Variants in COL6A3 observed in about 807,000 individuals in gnomAD.
COL6A3 encodes the protein collagen alpha-3(VI) chain.
COL6A3 carries 137 observed loss-of-function variants against 274.1 expected under a neutral mutation model. The ratio of observed to expected loss-of-function variants is 0.50; its 90% CI spans 0.44 to 0.58. COL6A3 has a LOEUF of 0.58. COL6A3 is among the 20% of genes least tolerant of loss of function. The pLI is 0.00. For missense variants in COL6A3, 3,950 were observed against 4,124.9 expected (o/e 0.96, Z 1.16); for synonymous variants, 1,650 against 1,650.6 (o/e 1.00, Z 0.01).
chr2:237,379,196 C>T lies in COL6A3; in HGVS notation c.1937G>A (p.Gly646Glu), dbSNP rs973261873. 11 of 1,614,026 alleles carry T rather than the reference C, an allele frequency of 6.8e-6. No homozygotes were observed. The highest frequency in any genetic ancestry group is 9.3e-6 in the Non-Finnish European group (11 of 1,180,016). ...ATTGGTTTTTCCAACGTTGGCTGAT[C>T]CATCCAAAAGAAAGATGATATCCCT... ...NKRDIIFLLDGSANVGKTNFP... is the reference protein window; with the variant it reads ...NKRDIIFLLDESANVGKTNFP... Residue 646 changes from glycine to glutamate, a missense_variant, in exon 6 of 44, where the codon GGA (glycine) becomes GAA (glutamate). Coordinates refer to ENST00000295550, the MANE Select transcript of COL6A3 (RefSeq NM_004369.4).
chr2:237,401,026 C>G (rs771871862), intron 1 of COL6A3, among the ~76,000 whole-genome samples: 2 of 152,072 alleles, frequency 1.3e-5, no homozygotes, highest in Non-Finnish European at 2.9e-5. Context: ...AAACATATTA[C>G]AAAATGGTGT....
chr2:237,384,602 C>G (rs1022158659), intron 4 of COL6A3, among the ~76,000 whole-genome samples: 1 of 152,152 alleles, frequency 6.6e-6, no homozygotes, highest in Non-Finnish European at 1.5e-5. Context: ...ATCAGGAGAC[C>G]TGTGCCTGCC....
chr2:237,389,102 A>C (rs2078225486), intron 3 of COL6A3, among the ~76,000 whole-genome samples: 1 of 152,210 alleles, frequency 6.6e-6, no homozygotes. Context: ...GCCTGGGGTT[A>C]TACAAAGGGC....
At chr2:237,342,804 C>A (rs2077017149) in intron 36 of COL6A3, 1 of 154,118 alleles carries the variant, frequency 6.5e-6, no homozygotes, top group Non-Finnish European at 1.4e-5. Context: ...GTGAATGAAT[C>A]CCCCCATCAA....
chr2:237,400,901 T>C (rs1045643604), intron 1 of COL6A3, among the ~76,000 whole-genome samples: 1 of 152,218 alleles, frequency 6.6e-6, no homozygotes, highest in Non-Finnish European at 1.5e-5. Context: ...GTGGAACTTA[T>C]TTCTAGAATG....
At chr2:237,360,817 T>A (rs771527555) in intron 16 of COL6A3, among the ~76,000 whole-genome samples, 8 of 152,108 alleles carry the variant, frequency 5.3e-5, no homozygotes, top group Non-Finnish European at 1.0e-4. Context: ...CATCTCTACT[T>A]GCATGTCTTA....
At chr2:237,349,561 G>A (rs1262830354) in intron 28 of COL6A3, among the ~76,000 whole-genome samples, 1 of 152,174 alleles carries the variant, frequency 6.6e-6, no homozygotes, top group African/African-American at 2.4e-5. Flanking sequence ...ACAGTGTTAG[G>A]TGCCATGACT....
chr2:237,366,950 A>G lies in COL6A3; in HGVS notation c.5237T>C (p.Ile1746Thr). The change falls in exon 11 of 44, where the codon ATT becomes ACT. Residue 1746 changes from isoleucine to threonine, a missense_variant. This residue lies in a region of COL6A3 where 632 missense variants were observed against 623.4 expected (regional missense o/e 1.01). Coordinates refer to ENST00000295550, the MANE Select transcript of COL6A3 (RefSeq NM_004369.4). ...CTTTCCTCCCGTGATCACAAAGGCA[A>G]TCTGAGGGACCCGCTGGTCCAGGCG... ...GSRLDQRVPQIAFVITGGKSV... is the reference protein window; with the variant it reads ...GSRLDQRVPQTAFVITGGKSV... The G allele has an allele frequency of 6.2e-7, 1 of 1,614,246 alleles. No homozygotes were observed. The highest frequency in any genetic ancestry group is 8.5e-7 in the Non-Finnish European group (1 of 1,180,034).
intron 1 of COL6A3, among the ~76,000 whole-genome samples, chr2:237,412,167 C>T (rs760877677): frequency 1.3e-5 from 2 of 152,232 alleles, no homozygotes; most frequent in Non-Finnish European, 2.9e-5. Context: ...CCACGCCTCC[C>T]CACCCAGGCT....
intron 42 of COL6A3, chr2:237,328,942 T>C (rs1700087837): frequency 1.3e-5 from 2 of 152,362 alleles, no homozygotes; most frequent in Admixed American, 1.3e-4. Context: ...AGTACTTCCA[T>C]ACCTTGGATG....
At position 237,385,958 on chromosome 2, in the gene COL6A3, T is replaced by C. The variant is rs1424858129; in HGVS notation, c.1312+1624A>G. 2.6e-5 allele frequency among the ~76,000 whole-genome samples: 4 copies of C among 152,188 alleles called. No homozygotes were observed. In the East Asian group the frequency reaches 5.8e-4, roughly 22 times the overall value. ...GCAGCAAAAGCTAAGCCACACAGAATTGACCTTTCAAACTTAAATAAATGC... is the reference window on the plus strand; with the variant it reads ...GCAGCAAAAGCTAAGCCACACAGAACTGACCTTTCAAACTTAAATAAATGC... On this transcript the variant is annotated intron_variant, in intron 4 of 43. Coordinates refer to ENST00000295550, the MANE Select transcript of COL6A3 (RefSeq NM_004369.4).
At chr2:237,386,509 G>A (rs1215387392) in intron 4 of COL6A3, 1 of 152,144 alleles carries the variant, frequency 6.6e-6, no homozygotes, top group Non-Finnish European at 1.5e-5. Flanking sequence ...GTAACAATGT[G>A]TTATTTCACC....
Position 237,364,878 on chromosome 2 carries a change from T to C in COL6A3, c.5839-450A>G, listed in dbSNP as rs2077516391. On this transcript the variant is annotated intron_variant, in intron 12 of 43. Transcript: ENST00000295550. This position sits in a 1 kb window ranked among gnomAD's most constrained non-coding sequence, Gnocchi z 4.6. ...GTGGGTGCGTATGTGTGTGCATGTG[T>C]ATGGGTGCATGTGCGTGCATGTGTG... Among the ~76,000 whole-genome samples the C allele has an allele frequency of 6.6e-6, 1 of 150,596 alleles. No individual in the cohort carries two copies. The highest frequency in any genetic ancestry group is 2.4e-5 in the African/African-American group (1 of 40,834).
At chr2:237,366,406 G>A (rs547572207) in intron 11 of COL6A3, among the ~76,000 whole-genome samples, 1 of 152,150 alleles carries the variant, frequency 6.6e-6, no homozygotes, top group Non-Finnish European at 1.5e-5. Context: ...TCTATAATTA[G>A]ACACAGGAAT....
In COL6A3 at chr2:237,381,027, G is replaced by T. The variant is rs114278376; in HGVS notation, c.1785C>A (p.Ile595=). The T allele has an allele frequency of 6.2e-7, 1 of 1,614,208 alleles. No individual in the cohort carries two copies. Among genetic ancestry groups the T allele is most frequent in the East Asian group, 2.2e-5 (1 of 44,882 alleles). ...KGADQAELEE[I]AFDSSLVFIP... ...TGAACACCAGGGAGGAGTCGAAAGC[G>T]ATCTCTTCCAGCTCAGCCTGATCGG... Residue 595 remains isoleucine (I), a synonymous_variant, in exon 5 of 44, where the codon ATC becomes ATA. Transcript: ENST00000295550.
intron 3 of COL6A3, among the ~76,000 whole-genome samples, chr2:237,391,504 CTGTTTGTTTGTTTGTTTGTT>C (rs200150873): frequency 6.0e-5 from 9 of 150,050 alleles, no homozygotes; most frequent in African/African-American, 9.8e-5. Flanking sequence ...GTCCCTTTCA[CTGTTTGTTTGTTTGTTTGTT>C]TGTTTGTTTG....
intron 1 of COL6A3, among the ~76,000 whole-genome samples, chr2:237,409,562 G>T (rs2078803804): frequency 6.6e-6 from 1 of 151,006 alleles, no homozygotes; most frequent in African/African-American, 2.5e-5. Flanking sequence ...TGTTTGTTTT[G>T]CTCTGAGCTA....
In COL6A3 at chr2:237,351,198, G is replaced by T; in HGVS notation, c.6754-6C>A. ...CCAGCGGCACCTCCGCTTCCCTGGA[G>T]CAGGAGGGGAGGAATGTGTCAGTGA... On this transcript the variant is annotated splice_region_variant and splice_polypyrimidine_tract_variant and intron_variant, in intron 26 of 43. Coordinates refer to ENST00000295550, the MANE Select transcript of COL6A3 (RefSeq NM_004369.4). 1.2e-6 allele frequency: 2 copies of T among 1,614,082 alleles called. No individual in the cohort carries two copies. The highest frequency in any genetic ancestry group is 1.7e-6 in the Non-Finnish European group (2 of 1,179,926).
chr2:237,332,670 T>C (rs889626336), intron 42 of COL6A3, among the ~76,000 whole-genome samples: 9 of 152,216 alleles, frequency 5.9e-5, no homozygotes, highest in African/African-American at 2.2e-4. Context: ...TATAAAACAG[T>C]ATTATATCTA....
Sources: allele counts gnomAD v4.1 joint callset (sites outside exome capture counted in the v4.1 genomes callset), GRCh38; gene constraint gnomAD v4.1.1; regional missense constraint gnomAD v4.1.1; non-coding constraint Gnocchi (gnomAD v3.1); transcripts MANE v1.5; gene names NCBI Gene and HGNC (gene_info 2026-07-23, HGNC 2026-07-21).